Variants in MRC2 observed in about 807,000 individuals in gnomAD.
The protein encoded by MRC2 is C-type mannose receptor 2.
A neutral mutation model predicts 206.2 loss-of-function variants in MRC2; 84 were observed. The observed-to-expected ratio is 0.41, with a 90% CI of 0.34 to 0.49. The LOEUF is 0.49. Ranked by LOEUF, MRC2 falls within the 20% of genes least tolerant of loss-of-function variation. MRC2 has a pLI of 0.31. For missense variants in MRC2, 1,676 were observed against 2,001.5 expected, an observed-to-expected ratio of 0.84 and a Z score of 3.10; for synonymous variants, 798 against 800.0, an observed-to-expected ratio of 1.00 and a Z score of 0.04.
intron 1 of MRC2, 77 bp downstream of exon 1, chr17:62,627,997 C>T: frequency 1.1e-6 from 1 of 935,090 alleles, no homozygotes; most frequent in South Asian, 2.2e-5. Context: ...CTCGACTTTT[C>T]CCTCCTTTTC....
rs999841492 is a variant in MRC2, at chr17:62,672,598, T to C, written c.1461+446T>C. Among the ~76,000 whole-genome samples, 1 of 152,068 alleles carries C rather than the reference T, an allele frequency of 6.6e-6. No individual in the cohort carries two copies. The highest frequency in any genetic ancestry group is 6.6e-5 in the Admixed American group (1 of 15,262). Reference sequence around the variant, plus strand: ...CCAGGGTCCTGTCATCTCAAGAGATTGTTGGGTTTTATGACAATTTGCCAT... The same window carrying C: ...CCAGGGTCCTGTCATCTCAAGAGATCGTTGGGTTTTATGACAATTTGCCAT... On this transcript the variant is annotated intron_variant, in intron 8 of 29. Transcript: ENST00000303375. This position sits in a 1 kb window ranked among gnomAD's most constrained non-coding sequence, Gnocchi z 4.5.
At chr17:62,636,900 C>G (rs1338403098) in intron 1 of MRC2, among the ~76,000 whole-genome samples, 1 of 152,022 alleles carries the variant, frequency 6.6e-6, no homozygotes, top group African/African-American at 2.4e-5. Flanking sequence ...AACCACTGCA[C>G]CTGGACCAAT....
At chr17:62,683,153 T>C (rs1209382505) in intron 20 of MRC2, among the ~76,000 whole-genome samples, 1 of 152,228 alleles carries the variant, frequency 6.6e-6, no homozygotes, top group Non-Finnish European at 1.5e-5. Flanking sequence ...TAGCTAAAGA[T>C]TTTTAAATAC....
chr17:62,643,742 C>T (rs763623860), intron 1 of MRC2, among the ~76,000 whole-genome samples: 17 of 151,922 alleles, frequency 1.1e-4, no homozygotes, highest in East Asian at 1.9e-4. Context: ...ATATGTTCAA[C>T]GTAACATTAT....
intron 20 of MRC2, chr17:62,684,095 G>C (rs754612339): frequency 2.6e-5 from 4 of 152,136 alleles, no homozygotes; most frequent in Non-Finnish European, 5.9e-5. Context: ...TGTACTTCAC[G>C]TTTTTAAAAA....
chr17:62,665,714 C>T (rs2147465232), intron 2 of MRC2, among the ~76,000 whole-genome samples: 1 of 152,230 alleles, frequency 6.6e-6, no homozygotes, highest in South Asian at 2.1e-4. Flanking sequence ...CTGGGAGACC[C>T]CCTGAGTTCC....
At chr17:62,677,636 G>A in intron 12 of MRC2, 150 bp downstream of exon 12, 1 of 663,352 alleles carries the variant, frequency 1.5e-6, no homozygotes, top group Non-Finnish European at 2.5e-6. Context: ...CATGGAATCT[G>A]GAGGCCTGGT....
chr17:62,634,981 C>A (rs576025481), intron 1 of MRC2, among the ~76,000 whole-genome samples: 1 of 152,124 alleles, frequency 6.6e-6, no homozygotes, highest in South Asian at 2.1e-4. Context: ...CAGGCACGTG[C>A]CACCACGCCC....
chr17:62,683,058 TG>T (rs1435765927), intron 20 of MRC2, among the ~76,000 whole-genome samples: 14 of 151,990 alleles, frequency 9.2e-5, no homozygotes, highest in African/African-American at 3.4e-4. Flanking sequence ...TGTATATGTG[TG>T]TGTAAATAAA....
intron 1 of MRC2, among the ~76,000 whole-genome samples, chr17:62,631,757 C>G (rs1327508953): frequency 6.6e-6 from 1 of 152,102 alleles, no homozygotes; most frequent in Non-Finnish European, 1.5e-5. Context: ...GGGACCCCCT[C>G]CAAGAAGGCA....
intron 1 of MRC2, among the ~76,000 whole-genome samples, chr17:62,654,911 A>G (rs2088598358): frequency 6.6e-6 from 1 of 152,210 alleles, no homozygotes; most frequent in Non-Finnish European, 1.5e-5. Context: ...AGGCCAAGGT[A>G]GGAGGATCAG....
chr17:62,647,376 G>T (rs1473048703), intron 1 of MRC2, among the ~76,000 whole-genome samples: 5 of 151,486 alleles, frequency 3.3e-5, no homozygotes, highest in Non-Finnish European at 7.4e-5. Context: ...GTTGAGAAGG[G>T]GTTTCACTAT....
At chr17:62,642,210 T>G (rs1478641327) in intron 1 of MRC2, among the ~76,000 whole-genome samples, 1 of 152,182 alleles carries the variant, frequency 6.6e-6, no homozygotes, top group East Asian at 1.9e-4. Context: ...GGCCTTGTTG[T>G]CTTTTATCGG....
intron 1 of MRC2, among the ~76,000 whole-genome samples, chr17:62,632,677 G>A (rs2429403): frequency 0.73 from 111,529 of 151,992 alleles, 42,011 homozygotes; most frequent in African/African-American, 0.91. Context: ...TGGGGAGGAC[G>A]CTGAGGGAGC....
intron 20 of MRC2, chr17:62,684,093 A>G (rs896146197): frequency 6.6e-6 from 1 of 152,342 alleles, no homozygotes; most frequent in Middle Eastern, 3.4e-3. Context: ...CATGTACTTC[A>G]CGTTTTTAAA....
chr17:62,682,529 C>G (rs1195354683), intron 20 of MRC2, 152 bp downstream of exon 20: 3 of 845,308 alleles, frequency 3.5e-6, no homozygotes, highest in Middle Eastern at 6.0e-4. Flanking sequence ...GCTCCAGTAC[C>G]AGGGCCAGAC....
Position 62,664,550 on chromosome 17 carries a change from C to T in MRC2, c.121C>T (p.Pro41Ser). The change falls in exon 2 of 30, where the codon CCC (proline) becomes TCC (serine). Residue 41 changes from proline (P) to serine (S), a missense_variant and splice_region_variant. This residue lies in a region of MRC2 where 318 missense variants were observed against 346.7 expected (regional missense o/e 0.92). Transcript: ENST00000303375. This position sits in a 1 kb window ranked among gnomAD's most constrained non-coding sequence, Gnocchi z 4.7. Reference protein sequence around the residue: ...GAPGDAALPEPNVFLIFSHGL... With the variant: ...GAPGDAALPESNVFLIFSHGL... Reference sequence around the variant, plus strand: ...TCGTGTCTTGCCTTCCCTTCCAGAACCCAACGTCTTCCTCATCTTCAGCCA... The same window carrying T: ...TCGTGTCTTGCCTTCCCTTCCAGAATCCAACGTCTTCCTCATCTTCAGCCA... The T allele has an allele frequency of 1.2e-6, 2 of 1,607,798 alleles. No individual in the cohort carries two copies. The highest frequency in any genetic ancestry group is 1.7e-6 in the Non-Finnish European group (2 of 1,177,024).
At chr17:62,690,112 C>A in intron 25 of MRC2, 44 bp from the exon 26 acceptor site, 1 of 1,581,596 alleles carries the variant, frequency 6.3e-7, no homozygotes. Flanking sequence ...GTCGGTGGCC[C>A]CGGGGAGGGT....
intron 1 of MRC2, among the ~76,000 whole-genome samples, chr17:62,648,914 A>T (rs1381191112): frequency 6.6e-6 from 1 of 152,224 alleles, no homozygotes; most frequent in Admixed American, 6.5e-5. Flanking sequence ...AACTGGGCAG[A>T]GGTTCTTGCT....
Sources: gnomAD v4.1 joint callset for allele counts (sites outside exome capture counted in the v4.1 genomes callset) on GRCh38, gnomAD v4.1.1 for gene constraint, gnomAD v4.1.1 regional missense constraint, Gnocchi (gnomAD v3.1) non-coding constraint, MANE v1.5 for transcripts, NCBI Gene and HGNC (gene_info 2026-07-23, HGNC 2026-07-21) for gene names.